TARBP1: variants seen among roughly 807,000 people sequenced by gnomAD.
TARBP1 encodes tRNA guanosine 2 -O-methyltransferase TARBP1.
Under a neutral mutation model 178.6 loss-of-function variants are expected in TARBP1, and 144 were observed. That is an observed-to-expected ratio of 0.81 (90% confidence interval 0.70 to 0.93). TARBP1 has a LOEUF of 0.93. TARBP1 is among the 40% of genes least tolerant of loss of function. TARBP1 has a pLI of 0.00. For missense variants in TARBP1, 2,067 were observed against 2,011.7 expected (o/e 1.03, Z -0.53); for synonymous variants, 787 against 781.0 (o/e 1.01, Z -0.13).
chr1:234,391,902 C>T (rs935940602), intron 29 of TARBP1, among the ~76,000 whole-genome samples, 157 bp from the exon 30 acceptor site: 31 of 151,380 alleles, frequency 2.0e-4, no homozygotes, highest in Admixed American at 1.9e-3. Context: ...TCTGTAGTAC[C>T]GGGAAATAAA....
intron 29 of TARBP1, among the ~76,000 whole-genome samples, chr1:234,391,973 G>C (rs1425546496): frequency 6.6e-6 from 1 of 152,244 alleles, no homozygotes; most frequent in Non-Finnish European, 1.5e-5. Flanking sequence ...ATGCCAGAGA[G>C]ATGAAATAAA....
At chr1:234,474,280 AC>A (rs372840866) in intron 1 of TARBP1, among the ~76,000 whole-genome samples, 148 of 62,570 alleles carry the variant, frequency 2.4e-3, no homozygotes, top group Non-Finnish European at 4.2e-3. Flanking sequence ...ACACACACAC[AC>A]ACACACAAAG....
Position 234,459,097 on chromosome 1 carries a change from C to A in TARBP1, c.1632+133G>T, listed in dbSNP as rs1667580625. On this transcript the variant is annotated intron_variant, in intron 8 of 29. Coordinates refer to ENST00000040877, the MANE Select transcript of TARBP1 (RefSeq NM_005646.4). ...AGAGATCATATGTATTATTTTATTA[C>A]AAGCACATTTATTATTTTATTACAA... 4.8e-6 allele frequency: 3 copies of A among 630,644 alleles called. No homozygotes were observed. In the South Asian group the frequency reaches 6.4e-5, roughly 14 times the overall value. 39.1% of individuals were successfully genotyped at this position (630,644 alleles called of 1,614,324 possible).
At chr1:234,401,827 T>C (rs1045486230) in intron 24 of TARBP1, among the ~76,000 whole-genome samples, 4 of 152,070 alleles carry the variant, frequency 2.6e-5, no homozygotes, top group African/African-American at 9.7e-5. Flanking sequence ...TCCTATGCCC[T>C]CCCCAACCCT....
At chr1:234,463,975 TTTACAAGTGA>T in intron 5 of TARBP1, 41 bp from the exon 6 acceptor site, 1 of 1,359,006 alleles carries the variant, frequency 7.4e-7, no homozygotes, top group South Asian at 1.5e-5. Context: ...TTAACATTTA[TTTACAAGTGA>T]TTACACTAAA....
At chr1:234,404,306 C>A (rs1390624656) in intron 24 of TARBP1, among the ~76,000 whole-genome samples, 1 of 152,162 alleles carries the variant, frequency 6.6e-6, no homozygotes, top group Non-Finnish European at 1.5e-5. Context: ...GGTAACTATA[C>A]CCTCTGTCCC....
At position 234,408,941 on chromosome 1, in the gene TARBP1, CGT is replaced by C. The variant is rs143377174; in HGVS notation, c.3792+1502_3792+1503del. Among the ~76,000 whole-genome samples the C allele has an allele frequency of 7.2e-4, 110 of 152,268 alleles. 1 individual carries two copies. The East Asian group carries it at 0.011, about 16-fold the overall frequency. On this transcript the variant is annotated intron_variant, in intron 23 of 29. Coordinates refer to ENST00000040877, the MANE Select transcript of TARBP1 (RefSeq NM_005646.4). ...CCTGTTGGGCGGTTACCACCTCTGT[CGT>C]GTGTGACAGTTGTTTTGAATCTCTA...
rs1462221516 is a variant in TARBP1 at position 234,391,702 on chromosome 1, C to T, written c.4741G>A (p.Asp1581Asn). ...TGTTGAGGAATTTCCACACAAACGT[C>T]CAACTGTTGGATCAGATTTGCTGGA... ...GIPANLIQQLDVCVEIPQQGI... is the reference protein window; with the variant it reads ...GIPANLIQQLNVCVEIPQQGI... Residue 1581 changes from aspartate (D) to asparagine (N), a missense_variant, in exon 30 of 30, where the codon GAC (aspartate) becomes AAC (asparagine). By Grantham distance (23) the Asp-to-Asn change is conservative. Coordinates refer to ENST00000040877, the MANE Select transcript of TARBP1 (RefSeq NM_005646.4). The T allele has an allele frequency of 1.9e-6, 3 of 1,613,600 alleles. No homozygotes were observed. Among genetic ancestry groups the T allele is most frequent in the Non-Finnish European group, 1.7e-6 (2 of 1,179,962 alleles).
chr1:234,429,205 A>C lies in TARBP1; in HGVS notation c.2991T>G (p.Phe997Leu), dbSNP rs12135427. ...TGGTAAGAACTTTGTTATCAAAAAC[A>C]AACTGAACAAAAGCTTTTAAATTAG... ...FWANLKAFVQ[F>L]VFDNKVLTIA... The change falls in exon 17 of 30, where the codon TTT (phenylalanine) becomes TTG (leucine). Residue 997 changes from phenylalanine (F) to leucine (L), a missense_variant. Transcript: ENST00000040877. The C allele has an allele frequency of 1.2e-6, 2 of 1,607,396 alleles. No individual in the cohort carries two copies. The highest frequency in any genetic ancestry group is 1.3e-5 in the African/African-American group (1 of 74,604).
intron 6 of TARBP1, among the ~76,000 whole-genome samples, chr1:234,462,615 G>A (rs1370927415): frequency 6.6e-6 from 1 of 151,016 alleles, no homozygotes; most frequent in Non-Finnish European, 1.5e-5. Context: ...CTTGAACCCG[G>A]GAGGCGGAGG....
chr1:234,433,054 A>G (rs1217885379), intron 14 of TARBP1, among the ~76,000 whole-genome samples: 1 of 152,210 alleles, frequency 6.6e-6, no homozygotes, highest in African/African-American at 2.4e-5. Flanking sequence ...CCTGGTTAAC[A>G]TGGTAAAACC....
chr1:234,441,806 T>C (rs1215633451), intron 12 of TARBP1, among the ~76,000 whole-genome samples: 1 of 152,198 alleles, frequency 6.6e-6, no homozygotes, highest in African/African-American at 2.4e-5. Context: ...GATCATATAA[T>C]ATGTGGTCTT....
rs1260403433 is a variant in TARBP1, at chr1:234,393,383, T to C, written c.4539A>G (p.Glu1513=). 6.3e-7 allele frequency: 1 copy of C among 1,594,476 alleles called. No homozygotes were observed. Among genetic ancestry groups the C allele is most frequent in the Admixed American group, 1.8e-5 (1 of 56,662 alleles). ...KQFQHLSVSA[E]QWLPLVEVKP... is the part of the protein sequence containing the mutation. ...CCACCTCCACTAGAGGAAGCCACTG[T>C]TCTGCAGAGACACTGAGGTGCTGAA... Residue 1513 remains glutamate, a synonymous_variant, in exon 28 of 30, where the codon GAA becomes GAG. Transcript: ENST00000040877.
chr1:234,470,216 G>A (rs138671900), intron 3 of TARBP1, among the ~76,000 whole-genome samples: 4 of 152,146 alleles, frequency 2.6e-5, no homozygotes, highest in African/African-American at 7.2e-5. Context: ...GCAGTGAGCC[G>A]AGATCATCCC....
intron 6 of TARBP1, among the ~76,000 whole-genome samples, chr1:234,462,379 T>A (rs143669748): frequency 6.6e-6 from 1 of 152,286 alleles, no homozygotes; most frequent in African/African-American, 2.4e-5. Flanking sequence ...ATTAAACTCC[T>A]GAAATCTACC....
chr1:234,404,905 C>T (rs1020093489), intron 24 of TARBP1, among the ~76,000 whole-genome samples: 13 of 152,184 alleles, frequency 8.5e-5, no homozygotes, highest in Non-Finnish European at 1.6e-4. Context: ...TGCCCAAATG[C>T]CTCTTTTCAA....
chr1:234,433,442 T>C lies in TARBP1; in HGVS notation c.2362A>G (p.Ile788Val), dbSNP rs1228441812. 1 of 1,614,062 alleles carries C rather than the reference T, an allele frequency of 6.2e-7. No individual in the cohort carries two copies. The highest frequency in any genetic ancestry group is 1.7e-5 in the Admixed American group (1 of 59,982). Residue 788 changes from isoleucine (I) to valine (V), a missense_variant, in exon 14 of 30, where the codon ATT becomes GTT. By Grantham distance (29) the Ile-to-Val change is conservative (BLOSUM62 3). Coordinates refer to ENST00000040877, the MANE Select transcript of TARBP1 (RefSeq NM_005646.4). ...CTGTCCATCTCTTGAAGATGCTGAATGGATGCATTTTTCAAAAGAGAAATA... is the reference window on the plus strand; with the variant it reads ...CTGTCCATCTCTTGAAGATGCTGAACGGATGCATTTTTCAAAAGAGAAATA... ...RVISLLKNAS[I>V]QHLQEMDSGQ... is the part of the protein sequence containing the mutation.
chr1:234,401,182 T>C lies in TARBP1; in HGVS notation c.4070A>G (p.Glu1357Gly), dbSNP rs755966285. The change falls in exon 25 of 30, where the codon GAG becomes GGG. Residue 1357 changes from glutamate (E) to glycine (G), a missense_variant and splice_region_variant. Glu to Gly is a moderately conservative substitution (Grantham distance 98, BLOSUM62 -2). Coordinates refer to ENST00000040877, the MANE Select transcript of TARBP1 (RefSeq NM_005646.4). ...TTACAAATGATATTCTCTACTCACC[T>C]CTAGACAATAATCCTTGAGTGGGTG... ...TFHPLKDYCL[E>G]TIFYILPRLS... 6.2e-7 allele frequency: 1 copy of C among 1,610,876 alleles called. No homozygotes were observed. The highest frequency in any genetic ancestry group is 1.3e-5 in the African/African-American group (1 of 74,970).
At chr1:234,444,417 G>C (rs1342571990) in intron 12 of TARBP1, among the ~76,000 whole-genome samples, 1 of 152,200 alleles carries the variant, frequency 6.6e-6, no homozygotes, top group East Asian at 1.9e-4. Flanking sequence ...CATCATTTTA[G>C]AAAAACTGTA....
Sources: gnomAD v4.1 joint callset for allele counts (sites outside exome capture counted in the v4.1 genomes callset) on GRCh38, gnomAD v4.1.1 for gene constraint, MANE v1.5 for transcripts, NCBI Gene and HGNC (gene_info 2026-07-23, HGNC 2026-07-21) for gene names.